The following ABCC4 variants were observed in gnomAD, a reference collection of about 807,000 sequenced individuals.
ABCC4 encodes the protein ATP binding cassette subfamily C member 4 (PEL blood group).
ABCC4 carries 102 observed loss-of-function variants against 168.5 expected under a neutral mutation model. That is an observed-to-expected ratio of 0.61 (90% CI 0.52 to 0.71). ABCC4 has a LOEUF of 0.71. ABCC4 is among the 30% of genes least tolerant of loss of function. The pLI is 0.00. For missense variants in ABCC4, 1,402 were observed against 1,605.8 expected (o/e 0.87, Z 2.17); for synonymous variants, 617 against 590.7 (o/e 1.04, Z -0.65).
intron 19 of ABCC4, among the ~76,000 whole-genome samples, chr13:95,131,628 A>G (rs1203223721): frequency 2.0e-5 from 3 of 151,966 alleles, no homozygotes; most frequent in Non-Finnish European, 4.4e-5. Flanking sequence ...GACTGTCTCA[A>G]AAAAAAAGAA....
chr13:95,037,398 T>C (rs1256709661), intron 29 of ABCC4, among the ~76,000 whole-genome samples: 1 of 152,208 alleles, frequency 6.6e-6, no homozygotes, highest in Non-Finnish European at 1.5e-5. Context: ...ATTCATCCAA[T>C]ATTGAGTGAA....
At chr13:95,034,453 A>G in intron 30 of ABCC4, 152 bp downstream of exon 30, 1 of 1,179,140 alleles carries the variant, frequency 8.5e-7, no homozygotes, top group Non-Finnish European at 1.2e-6. Flanking sequence ...TCAACCCGGG[A>G]CGTGCCGTTA....
intron 7 of ABCC4, 110 bp downstream of exon 7, chr13:95,207,690 T>G: frequency 8.5e-7 from 1 of 1,177,016 alleles, no homozygotes. Flanking sequence ...CTGGGATGGA[T>G]TGTACTGAAC....
chr13:95,036,295 C>T (rs1168346768), intron 29 of ABCC4, among the ~76,000 whole-genome samples: 3 of 152,148 alleles, frequency 2.0e-5, no homozygotes, highest in Non-Finnish European at 2.9e-5. Flanking sequence ...ATTATTCCCA[C>T]AGAGTTGAGA....
At chr13:95,246,839 A>T in intron 3 of ABCC4, 136 bp downstream of exon 3, 2 of 1,003,126 alleles carry the variant, frequency 2.0e-6, no homozygotes, top group Non-Finnish European at 3.0e-6. Flanking sequence ...TTTAATCCTT[A>T]GACCTTAAAA....
intron 1 of ABCC4, 78 bp from the exon 2 acceptor site, chr13:95,247,831 G>A: frequency 5.4e-6 from 6 of 1,120,560 alleles, no homozygotes; most frequent in Non-Finnish European, 8.0e-6. Flanking sequence ...CATGGGTTTT[G>A]CTTAAACTTA....
rs1241760852 is a variant in ABCC4 at position 95,163,075 on chromosome 13, T to C, written c.2308+47A>G. The C allele has an allele frequency of 3.7e-6, 5 of 1,355,804 alleles. No homozygotes were observed. The Admixed American group carries it at 5.1e-5, about 14-fold the overall frequency. The allele number at this position is 1,355,804 out of a possible 1,614,324, so 84.0% of individuals were successfully genotyped here. ...CCTAGTTACTCACACAGGCTCATTG[T>C]AAGCACCTCAGCCTCTCATACAATA... On this transcript the variant is annotated intron_variant, in intron 18 of 30. Coordinates refer to ENST00000645237, the MANE Select transcript of ABCC4 (RefSeq NM_005845.5).
intron 1 of ABCC4, among the ~76,000 whole-genome samples, chr13:95,300,245 G>C (rs2041640601): frequency 6.6e-6 from 1 of 152,156 alleles, no homozygotes; most frequent in South Asian, 2.1e-4. Flanking sequence ...CCCTGGGGTG[G>C]TTTTAAGAAG....
At chr13:95,257,355 A>C (rs910542192) in intron 1 of ABCC4, among the ~76,000 whole-genome samples, 1 of 152,200 alleles carries the variant, frequency 6.6e-6, no homozygotes, top group Non-Finnish European at 1.5e-5. Context: ...TTGCTGTCTC[A>C]GAGGTGGAAG....
chr13:95,095,914 C>T (rs2034580488), intron 20 of ABCC4: 1 of 374,438 alleles, frequency 2.7e-6, no homozygotes, highest in Admixed American at 4.6e-5. Flanking sequence ...ACCCAGAGTA[C>T]TCAATAGAAA....
At chr13:95,093,618 T>G (rs1001376077) in intron 20 of ABCC4, among the ~76,000 whole-genome samples, 1 of 152,138 alleles carries the variant, frequency 6.6e-6, no homozygotes, top group Non-Finnish European at 1.5e-5. Context: ...AAGCATTTCC[T>G]CGGAGAACTG....
intron 1 of ABCC4, among the ~76,000 whole-genome samples, chr13:95,278,215 G>C (rs896794646): frequency 2.0e-5 from 3 of 152,168 alleles, no homozygotes; most frequent in Non-Finnish European, 4.4e-5. Context: ...TTACATCACT[G>C]TGCCCACAGT....
intron 25 of ABCC4, among the ~76,000 whole-genome samples, 165 bp downstream of exon 25, chr13:95,071,497 A>C (rs1031394571): frequency 6.6e-6 from 1 of 152,202 alleles, no homozygotes. Context: ...ACAGTAAAGC[A>C]GTTCACAGCA....
chr13:95,226,258 A>T (rs1172376686), intron 4 of ABCC4, among the ~76,000 whole-genome samples: 1 of 152,018 alleles, frequency 6.6e-6, no homozygotes, highest in Admixed American at 6.6e-5. Flanking sequence ...GTCAATATGA[A>T]AATGCAAGAG....
intron 8 of ABCC4, among the ~76,000 whole-genome samples, chr13:95,198,586 G>A (rs1028903984): frequency 1.1e-4 from 17 of 152,224 alleles, no homozygotes; most frequent in African/African-American, 3.9e-4. Flanking sequence ...AATACCATTG[G>A]ACCCAGCAAT....
intron 26 of ABCC4, among the ~76,000 whole-genome samples, chr13:95,056,651 A>G (rs2033068707): frequency 6.6e-6 from 1 of 151,614 alleles, no homozygotes; most frequent in Non-Finnish European, 1.5e-5. Context: ...AAAAGAAGAA[A>G]AAAAAAAAAA....
In ABCC4 at chr13:95,163,169, T is replaced by C. The variant is rs1411688602; in HGVS notation, c.2261A>G (p.Asn754Ser). 1.2e-6 allele frequency: 2 copies of C among 1,613,590 alleles called. No homozygotes were observed. Among genetic ancestry groups the C allele is most frequent in the Admixed American group, 1.7e-5 (1 of 59,964 alleles). ...MLNVTVNGGG[N>S]VTEKLDLNWY... ...GTTAAGATCTAGCTTCTCGGTTACA[T>C]TTCCTCCTCCATTTACAGTGACATT... is the stretch of plus-strand genomic sequence containing the variant. The change falls in exon 18 of 31, where the codon AAT (asparagine) becomes AGT (serine). Residue 754 changes from asparagine (N) to serine (S), a missense_variant. By Grantham distance (46) the Asn-to-Ser change is conservative. Coordinates refer to ENST00000645237, the MANE Select transcript of ABCC4 (RefSeq NM_005845.5).
At chr13:95,130,782 ACAATTAC>A (rs1467083573) in intron 19 of ABCC4, among the ~76,000 whole-genome samples, 1 of 152,218 alleles carries the variant, frequency 6.6e-6, no homozygotes, top group East Asian at 1.9e-4. Context: ...AACACAGCTG[ACAATTAC>A]CAATTTGAAC....
intron 20 of ABCC4, among the ~76,000 whole-genome samples, chr13:95,104,449 T>C (rs1030739523): frequency 2.0e-5 from 3 of 152,206 alleles, no homozygotes; most frequent in African/African-American, 7.2e-5. Context: ...TTCTTATGTA[T>C]ATATCACACA....
Sources: gnomAD v4.1 joint callset for allele counts (sites outside exome capture counted in the v4.1 genomes callset) on GRCh38, gnomAD v4.1.1 for gene constraint, MANE v1.5 for transcripts, NCBI Gene and HGNC (gene_info 2026-07-23, HGNC 2026-07-21) for gene names.